The following TMEM132D variants were observed in gnomAD, a reference collection of about 807,000 sequenced individuals.
The protein encoded by TMEM132D is transmembrane protein 132D.
A neutral mutation model predicts 62.3 loss-of-function variants in TMEM132D; 21 were observed. That is an observed-to-expected ratio of 0.34 (90% CI 0.24 to 0.49). TMEM132D has a LOEUF of 0.49. Ranked by LOEUF, TMEM132D falls within the 20% of genes least tolerant of loss-of-function variation. The pLI, the probability that TMEM132D is intolerant of heterozygous loss-of-function variation, is 0.99. For missense variants in TMEM132D, 1,346 were observed against 1,402.8 expected (o/e 0.96, Z 0.65); for synonymous variants, 621 against 575.6 (o/e 1.08, Z -1.13).
chr12:129,715,243 A>C (rs1371554929), intron 1 of TMEM132D, among the ~76,000 whole-genome samples: 1 of 151,824 alleles, frequency 6.6e-6, no homozygotes, highest in Non-Finnish European at 1.5e-5. Flanking sequence ...GAGGAAGAGG[A>C]GCATGAGCAG....
chr12:129,250,754 A>C (rs778048049), intron 4 of TMEM132D, among the ~76,000 whole-genome samples: 6 of 152,206 alleles, frequency 3.9e-5, no homozygotes, highest in Admixed American at 3.9e-4. Context: ...AAAGACAAGA[A>C]CATGAGCTCC....
intron 3 of TMEM132D, among the ~76,000 whole-genome samples, chr12:129,402,901 G>A (rs1041686759): frequency 2.6e-5 from 4 of 152,006 alleles, no homozygotes; most frequent in Non-Finnish European, 5.9e-5. Flanking sequence ...ACTGGGTCCT[G>A]CAGGGTGTTT....
intron 3 of TMEM132D, among the ~76,000 whole-genome samples, chr12:129,496,483 G>A (rs923521172): frequency 2.0e-5 from 3 of 152,050 alleles, no homozygotes; most frequent in Non-Finnish European, 4.4e-5. Context: ...TCATAAAGGA[G>A]GAAATTATAA....
chr12:129,406,289 A>G (rs1871783671), intron 3 of TMEM132D, among the ~76,000 whole-genome samples: 1 of 152,192 alleles, frequency 6.6e-6, no homozygotes, highest in Non-Finnish European at 1.5e-5. Flanking sequence ...ATACATGAGC[A>G]TATACATGTG....
intron 4 of TMEM132D, among the ~76,000 whole-genome samples, chr12:129,261,853 A>G (rs148972563): frequency 6.6e-6 from 1 of 152,308 alleles, no homozygotes; most frequent in African/African-American, 2.4e-5. Context: ...GTCCAAATAC[A>G]GTCACGTTCT....
intron 2 of TMEM132D, among the ~76,000 whole-genome samples, chr12:129,558,118 C>T (rs1877113137): frequency 6.6e-6 from 1 of 152,106 alleles, no homozygotes; most frequent in Non-Finnish European, 1.5e-5. Flanking sequence ...GTATCACTTG[C>T]TCAAATTTGA....
intron 3 of TMEM132D, among the ~76,000 whole-genome samples, chr12:129,448,556 C>T (rs1291811861): frequency 6.6e-6 from 1 of 152,146 alleles, no homozygotes; most frequent in East Asian, 1.9e-4. Flanking sequence ...GGACTTGATT[C>T]TCGTTCTTTT....
At position 129,545,565 on chromosome 12, in the gene TMEM132D, C is replaced by G. The variant is rs563384757; in HGVS notation, c.969-14360G>C. On this transcript the variant is annotated intron_variant, in intron 2 of 8. Transcript: ENST00000422113. The stretch of plus-strand genomic sequence containing the variant: ...AGTGCTGTGCTGTGGATCTCTAGAG[C>G]TTATGCGTCTTGCATAACTGAGACT... 2.0e-5 allele frequency among the ~76,000 whole-genome samples: 3 copies of G among 152,268 alleles called. No homozygotes were observed. In the East Asian group the frequency reaches 5.8e-4, roughly 29 times the overall value.
intron 2 of TMEM132D, among the ~76,000 whole-genome samples, chr12:129,629,525 C>A (rs962992907): frequency 6.6e-6 from 1 of 152,182 alleles, no homozygotes; most frequent in African/African-American, 2.4e-5. Context: ...GATCCCATCT[C>A]GGTTTAACTC....
At chr12:129,454,385 G>A (rs1463458963) in intron 3 of TMEM132D, among the ~76,000 whole-genome samples, 1 of 152,186 alleles carries the variant, frequency 6.6e-6, no homozygotes, top group Non-Finnish European at 1.5e-5. Flanking sequence ...GATCAATAAT[G>A]TCAGAGAGGA....
At chr12:129,221,404 T>C (rs139355225) in intron 4 of TMEM132D, among the ~76,000 whole-genome samples, 3 of 152,324 alleles carry the variant, frequency 2.0e-5, no homozygotes, top group East Asian at 1.9e-4. Context: ...ACCCAACTTA[T>C]CCTGATTAAT....
At position 129,831,562 on chromosome 12, in the gene TMEM132D, G is replaced by C. The variant is rs113245557; in HGVS notation, c.79+71699C>G. Among the ~76,000 whole-genome samples the C allele has an allele frequency of 1.6e-3, 237 of 152,290 alleles. 2 individuals are homozygous for C. The highest frequency in any genetic ancestry group is 5.4e-3 in the African/African-American group (224 of 41,566). Reference sequence around the variant, plus strand: ...AAACAGGGTGGATTCCAAACGAGACGACACACGTGAATGCTTTAGACCATG... The same window carrying C: ...AAACAGGGTGGATTCCAAACGAGACCACACACGTGAATGCTTTAGACCATG... On this transcript the variant is annotated intron_variant, in intron 1 of 8. Coordinates refer to ENST00000422113, the MANE Select transcript of TMEM132D (RefSeq NM_133448.3).
intron 4 of TMEM132D, among the ~76,000 whole-genome samples, chr12:129,303,949 C>T (rs1269712639): frequency 6.6e-6 from 1 of 152,174 alleles, no homozygotes; most frequent in Non-Finnish European, 1.5e-5. Context: ...GGGAAATTCA[C>T]CCTGCCTCCA....
At chr12:129,744,323 C>T (rs1869705177) in intron 1 of TMEM132D, among the ~76,000 whole-genome samples, 1 of 152,102 alleles carries the variant, frequency 6.6e-6, no homozygotes, top group Non-Finnish European at 1.5e-5. Flanking sequence ...AACTCTGTAC[C>T]AAAGGTATTA....
At position 129,835,586 on chromosome 12, in the gene TMEM132D, G is replaced by A. The variant is rs566116491; in HGVS notation, c.79+67675C>T. On this transcript the variant is annotated intron_variant, in intron 1 of 8. Transcript: ENST00000422113. ...GATTACAGGCGTGAGCTACCACACC[G>A]AGCCTGTGCATGAGGTTTTAAAAAA... Among the ~76,000 whole-genome samples, 9 of 152,224 alleles carry A rather than the reference G, an allele frequency of 5.9e-5. No homozygotes were observed. The East Asian group carries it at 1.5e-3, about 26-fold the overall frequency.
At chr12:129,723,411 G>A (rs945126607) in intron 1 of TMEM132D, among the ~76,000 whole-genome samples, 4 of 152,120 alleles carry the variant, frequency 2.6e-5, no homozygotes, top group African/African-American at 7.2e-5. Context: ...CCAGGAAGCC[G>A]TCCTCTATTG....
At chr12:129,492,910 G>C (rs544872238) in intron 3 of TMEM132D, among the ~76,000 whole-genome samples, 28 of 152,236 alleles carry the variant, frequency 1.8e-4, no homozygotes, top group African/African-American at 6.7e-4. Context: ...CTTTCGCTGG[G>C]ATGGCTGCTA....
chr12:129,677,590 A>G (rs11060495), intron 2 of TMEM132D, among the ~76,000 whole-genome samples: 2,887 of 152,308 alleles, frequency 0.019, 52 homozygotes, highest in South Asian at 0.081. Flanking sequence ...GACATGTATT[A>G]TATAAAAATA....
chr12:129,402,943 A>G (rs767399791), intron 3 of TMEM132D, among the ~76,000 whole-genome samples: 30 of 152,100 alleles, frequency 2.0e-4, no homozygotes, highest in Admixed American at 8.5e-4. Flanking sequence ...TTTATTTCTG[A>G]ACTTTGACTT....
Sources: gnomAD v4.1 joint callset for allele counts (sites outside exome capture counted in the v4.1 genomes callset) on GRCh38, gnomAD v4.1.1 for gene constraint, MANE v1.5 for transcripts, NCBI Gene and HGNC (gene_info 2026-07-23, HGNC 2026-07-21) for gene names.